The following ZMYM2 variants were observed in gnomAD, a reference collection of about 807,000 sequenced individuals.
The protein encoded by ZMYM2 is zinc finger MYM-type protein 2.
In ZMYM2, 56 loss-of-function variants were observed where a neutral mutation model predicts 162.8. That is an observed-to-expected ratio of 0.34 (90% CI 0.28 to 0.43). The LOEUF (loss-of-function observed/expected upper bound fraction) is 0.43, where lower values mean the gene tolerates loss of function less well. Among genes scored for constraint, ZMYM2 ranks in the 20% least tolerant of loss-of-function variants. The pLI, the probability that ZMYM2 is intolerant of heterozygous loss-of-function variation, is 1.00. For synonymous variants in ZMYM2, 510 were observed against 541.6 expected, an observed-to-expected ratio of 0.94 and a Z score of 0.81; for missense variants, 1,275 against 1,621.8, an observed-to-expected ratio of 0.79 and a Z score of 3.67.
At chr13:20,021,324 TTC>T (rs1350488202) in intron 7 of ZMYM2, among the ~76,000 whole-genome samples, 19 of 145,816 alleles carry the variant, frequency 1.3e-4, no homozygotes, top group African/African-American at 3.4e-4. Context: ...TAGTTTGATT[TTC>T]TTTTTTTTTC....
chr13:20,059,617 A>G lies in ZMYM2; in HGVS notation c.2739+55A>G, dbSNP rs201918297. On this transcript the variant is annotated intron_variant, in intron 16 of 24. Transcript: ENST00000610343. ...TTGAGATTTAGCAGACACAGTTGGG[A>G]AAACAGTGTACAGTTGACCCTTGAA... 1,432 of 828,610 alleles carry G rather than the reference A, an allele frequency of 1.7e-3. 19 individuals are homozygous for G. In the Middle Eastern group the frequency reaches 0.04, roughly 23 times the overall value. The allele number at this position is 828,610 out of a possible 1,614,324, so 51.3% of individuals were successfully genotyped here. A position where few individuals can be genotyped will look rare whatever the true frequency, so the allele number is the denominator to read the frequency against.
the ZMYM2 span, among the ~76,000 whole-genome samples, chr13:19,890,862 A>C: frequency 6.7e-6 from 1 of 148,712 alleles, no homozygotes; most frequent in South Asian, 2.1e-4. Context: ...ACAGAGCAAG[A>C]CTCCATTTCA....
chr13:20,011,281 T>A (rs763545408), intron 6 of ZMYM2, among the ~76,000 whole-genome samples: 2 of 152,158 alleles, frequency 1.3e-5, no homozygotes, highest in African/African-American at 2.4e-5. Flanking sequence ...CTGAAATGCT[T>A]GGGACCCAAA....
intron 6 of ZMYM2, among the ~76,000 whole-genome samples, chr13:20,012,179 CT>C (rs1018182712): frequency 7.9e-5 from 12 of 151,428 alleles, no homozygotes; most frequent in East Asian, 2.0e-4. Context: ...GCCTCCGCCC[CT>C]GGTCTTTTTT....
chr13:20,015,306 C>T (rs1951531007), intron 6 of ZMYM2, among the ~76,000 whole-genome samples: 1 of 152,064 alleles, frequency 6.6e-6, no homozygotes, highest in Admixed American at 6.6e-5. Context: ...TATTCCATTG[C>T]TCATTGGAAA....
chr13:19,928,897 G>A, the ZMYM2 span, among the ~76,000 whole-genome samples: 2 of 152,086 alleles, frequency 1.3e-5, no homozygotes, highest in African/African-American at 4.8e-5. Context: ...CACCCACCTC[G>A]GCCTCCCAAA....
At chr13:20,078,110 C>T (rs1481663635) in intron 21 of ZMYM2, among the ~76,000 whole-genome samples, 1 of 152,074 alleles carries the variant, frequency 6.6e-6, no homozygotes, top group Non-Finnish European at 1.5e-5. Context: ...AGCCCCACTG[C>T]ACCTGGCCAG....
rs1434335373 is a variant in ZMYM2, at chr13:20,086,322, T to C, written c.*308T>C. 2.4e-5 allele frequency: 6 copies of C among 254,524 alleles called. No individual in the cohort carries two copies. The highest frequency in any genetic ancestry group is 3.8e-5 in the Non-Finnish European group (5 of 131,140). The allele number at this position is 254,524 out of a possible 1,614,324, so 15.8% of individuals were successfully genotyped here. A position where few individuals can be genotyped will look rare whatever the true frequency, so the allele number is the denominator to read the frequency against. ...TGTGCCATGTATAATTTTTTTCTTG[T>C]AGTAAGAAACATCCATATTGCACAA... On this transcript the variant is annotated 3_prime_UTR_variant, in exon 25 of 25. Coordinates refer to ENST00000610343, the MANE Select transcript of ZMYM2 (RefSeq NM_197968.4).
At chr13:19,870,499 TTCCC>T in the ZMYM2 span, among the ~76,000 whole-genome samples, 231 of 145,426 alleles carry the variant, frequency 1.6e-3, no homozygotes, top group Middle Eastern at 3.4e-3. Flanking sequence ...TTCCCTTCCC[TTCCC>T]TCCCTCCCTC....
chr13:20,019,590 T>G lies in ZMYM2; in HGVS notation c.1556T>G (p.Met519Arg), dbSNP rs749812128. 6.9e-6 allele frequency: 11 copies of G among 1,597,730 alleles called. No homozygotes were observed. In the South Asian group the frequency reaches 1.0e-4, roughly 15 times the overall value. The change falls in exon 7 of 25, where the codon ATG (methionine) becomes AGG (arginine). Residue 519 changes from methionine (M) to arginine (R), a missense_variant. Met to Arg is a moderately conservative substitution (Grantham distance 91). Around this residue, in one of 10 missense-constraint regions of ZMYM2, gnomAD observed 276 missense variants for 311.8 expected, o/e 0.89. Coordinates refer to ENST00000610343, the MANE Select transcript of ZMYM2 (RefSeq NM_197968.4). ...PSFLKEVRDH[M>R]QDSFLMQPEK... The stretch of plus-strand genomic sequence containing the variant: ...TTCCTGAAGGAGGTTCGAGATCACA[T>G]GCAGGACTCTTTCTTAATGCAGCCT...
In ZMYM2 at chr13:20,085,929, C is replaced by G. The variant is rs781070532; in HGVS notation, c.4049C>G (p.Thr1350Ser). 5 of 1,613,566 alleles carry G rather than the reference C, an allele frequency of 3.1e-6. No homozygotes were observed. The African/African-American group carries it at 6.7e-5, about 22-fold the overall frequency. Reference sequence around the variant, plus strand: ...ACGTCTACTTCACTGGACCGAAACACCTTGGAAAATATGCTTGTACGGGTT... The same window carrying G: ...ACGTCTACTTCACTGGACCGAAACAGCTTGGAAAATATGCTTGTACGGGTT... Reference protein sequence around the residue: ...WYTSTSLDRNTLENMLVRVLL... With the variant: ...WYTSTSLDRNSLENMLVRVLL... Residue 1350 changes from threonine (T) to serine (S), a missense_variant, in exon 25 of 25, where the codon ACC becomes AGC. Physicochemically the swap from Thr to Ser is moderately conservative, Grantham distance 58. Transcript: ENST00000610343.
At chr13:19,880,868 T>TA in the ZMYM2 span, among the ~76,000 whole-genome samples, 7 of 152,030 alleles carry the variant, frequency 4.6e-5, no homozygotes, top group African/African-American at 7.2e-5. Context: ...CAAGGAATCT[T>TA]AAAGTTTTTT....
At chr13:19,954,134 T>TTTTTTTTTTTTTTTTTA, upstream of ZMYM2, among the ~76,000 whole-genome samples, 1 of 93,856 alleles carries the variant, frequency 1.1e-5, no homozygotes, top group African/African-American at 3.2e-5. Flanking sequence ...TAATTTTTTT[T>TTTTTTTTTTTTTTTTTA]TTTTTTTTTT....
At chr13:20,046,627 A>ATGTGTACATATGTATATG (rs1276803750) in intron 12 of ZMYM2, among the ~76,000 whole-genome samples, 4 of 143,032 alleles carry the variant, frequency 2.8e-5, no homozygotes, top group South Asian at 2.2e-4. Context: ...GTGTATATAT[A>ATGTGTACATATGTATATG]TGTGTATATA....
chr13:20,066,280 C>A (rs1566440284), intron 19 of ZMYM2, among the ~76,000 whole-genome samples: 1 of 152,034 alleles, frequency 6.6e-6, no homozygotes, highest in Non-Finnish European at 1.5e-5. Context: ...GGCTCTGATC[C>A]CCCCTGCACA....
intron 21 of ZMYM2, among the ~76,000 whole-genome samples, chr13:20,074,696 G>A (rs939561241): frequency 1.3e-5 from 2 of 151,962 alleles, no homozygotes; most frequent in Admixed American, 1.3e-4. Flanking sequence ...CTGCAACCAC[G>A]CCCGGCTAAT....
intron 2 of ZMYM2, among the ~76,000 whole-genome samples, chr13:19,964,360 A>G (rs1257263134): frequency 6.6e-6 from 1 of 151,460 alleles, no homozygotes; most frequent in East Asian, 1.9e-4. Flanking sequence ...TGGGCAATAG[A>G]GTGAGAGACC....
intron 4 of ZMYM2, among the ~76,000 whole-genome samples, chr13:20,003,929 G>A (rs1458836635): frequency 6.6e-6 from 1 of 151,984 alleles, no homozygotes; most frequent in East Asian, 1.9e-4. Flanking sequence ...GATTATAGGC[G>A]TGAGCCACCA....
chr13:20,087,306 A>G lies in ZMYM2; in HGVS notation c.*1292A>G, dbSNP rs1010570244. On this transcript the variant is annotated 3_prime_UTR_variant, in exon 25 of 25. Coordinates refer to ENST00000610343, the MANE Select transcript of ZMYM2 (RefSeq NM_197968.4). ...AACAACTTTGTGCTTCTGCATAGCA[A>G]TTTATCCATTCAGACCTTTTCTTTT... 6 of 188,976 alleles carry G rather than the reference A, an allele frequency of 3.2e-5. No homozygotes were observed. The highest frequency in any genetic ancestry group is 5.6e-5 in the Non-Finnish European group (5 of 89,770). The allele number at this position is 188,976 out of a possible 1,614,324, so 11.7% of individuals were successfully genotyped here.
Sources: gnomAD v4.1 joint callset for allele counts (sites outside exome capture counted in the v4.1 genomes callset) on GRCh38, gnomAD v4.1.1 for gene constraint, gnomAD v4.1.1 regional missense constraint, MANE v1.5 for transcripts, NCBI Gene and HGNC (gene_info 2026-07-23, HGNC 2026-07-21) for gene names.